The following PRDM5 variants were observed in gnomAD, a reference collection of about 807,000 sequenced individuals.
PRDM5 encodes the protein PR/SET domain 5, also known as PR domain zinc finger protein 5.
In PRDM5, 56 loss-of-function variants were observed where a neutral mutation model predicts 81.2. The ratio of observed to expected loss-of-function variants is 0.69; its 90% confidence interval spans 0.56 to 0.86. The LOEUF (loss-of-function observed/expected upper bound fraction) is 0.86. Among genes scored for constraint, PRDM5 ranks in the 40% least tolerant of loss-of-function variants. The pLI is 0.00. For missense variants in PRDM5, 697 were observed against 770.1 expected (o/e 0.91, Z 1.12); for synonymous variants, 267 against 256.4 (o/e 1.04, Z -0.39).
intron 2 of PRDM5, among the ~76,000 whole-genome samples, chr4:120,903,076 C>T (rs982140168): frequency 6.6e-6 from 1 of 152,232 alleles, no homozygotes; most frequent in African/African-American, 2.4e-5. Context: ...AGTTATGCCA[C>T]ATGCTCTCTC....
At chr4:120,699,422 C>A (rs1735033786) in intron 15 of PRDM5, among the ~76,000 whole-genome samples, 1 of 151,842 alleles carries the variant, frequency 6.6e-6, no homozygotes, top group African/African-American at 2.4e-5. Context: ...TATTTAAAAA[C>A]AGATAATATA....
At chr4:120,768,005 G>A (rs551047759) in intron 13 of PRDM5, among the ~76,000 whole-genome samples, 87 of 152,250 alleles carry the variant, frequency 5.7e-4, no homozygotes, top group African/African-American at 1.9e-3. Flanking sequence ...CTGTGAGTCC[G>A]TTAAACCTCT....
intron 3 of PRDM5, among the ~76,000 whole-genome samples, chr4:120,847,321 T>C (rs1241795556): frequency 2.0e-5 from 3 of 151,572 alleles, no homozygotes; most frequent in Non-Finnish European, 4.4e-5. Flanking sequence ...TTTTCTCTCT[T>C]TCTCTCTCTC....
chr4:120,906,775 AT>A (rs1765847545), intron 2 of PRDM5, among the ~76,000 whole-genome samples: 1 of 152,130 alleles, frequency 6.6e-6, no homozygotes, highest in Admixed American at 6.5e-5. Flanking sequence ...TTAAGGCGGG[AT>A]TTTTGTTACA....
intron 13 of PRDM5, among the ~76,000 whole-genome samples, chr4:120,775,268 A>G (rs983070967): frequency 3.3e-5 from 5 of 152,148 alleles, no homozygotes. Context: ...CATGACATAT[A>G]TTTAATAATT....
At chr4:120,706,155 G>A (rs982517380) in intron 15 of PRDM5, among the ~76,000 whole-genome samples, 9 of 150,900 alleles carry the variant, frequency 6.0e-5, no homozygotes, top group Non-Finnish European at 8.8e-5. Context: ...GCAGTGGCAC[G>A]ATCTTGGCTC....
intron 2 of PRDM5, among the ~76,000 whole-genome samples, chr4:120,881,609 A>G (rs1430531368): frequency 1.3e-5 from 2 of 152,136 alleles, no homozygotes; most frequent in Non-Finnish European, 2.9e-5. Flanking sequence ...CTAACCATAT[A>G]AAGAATTTTT....
At chr4:120,753,470 T>G (rs1744291085) in intron 14 of PRDM5, among the ~76,000 whole-genome samples, 1 of 152,068 alleles carries the variant, frequency 6.6e-6, no homozygotes, top group Admixed American at 6.5e-5. Flanking sequence ...GTGGAGAAGC[T>G]CCCTCTCTTC....
At chr4:120,840,979 C>T (rs892433100) in intron 3 of PRDM5, among the ~76,000 whole-genome samples, 2 of 152,178 alleles carry the variant, frequency 1.3e-5, no homozygotes, top group African/African-American at 4.8e-5. Flanking sequence ...TATGGGTCTA[C>T]GGCACAGGGG....
chr4:120,900,962 CT>C (rs758197123), intron 2 of PRDM5, among the ~76,000 whole-genome samples: 43 of 152,180 alleles, frequency 2.8e-4, no homozygotes, highest in Admixed American at 2.0e-3. Context: ...TTAGAGACAG[CT>C]ATTGTTACCC....
intron 3 of PRDM5, among the ~76,000 whole-genome samples, chr4:120,843,239 C>T (rs1473193177): frequency 6.6e-6 from 1 of 152,064 alleles, no homozygotes; most frequent in African/African-American, 2.4e-5. Context: ...GAGGCTGAGG[C>T]AGGAGAATAG....
intron 3 of PRDM5, among the ~76,000 whole-genome samples, chr4:120,845,185 CAGA>C (rs988342600): frequency 6.6e-6 from 1 of 152,152 alleles, no homozygotes; most frequent in African/African-American, 2.4e-5. Flanking sequence ...GCAAGTTATC[CAGA>C]AGATCTATCT....
At chr4:120,735,944 C>A (rs1741048379) in intron 14 of PRDM5, among the ~76,000 whole-genome samples, 1 of 151,978 alleles carries the variant, frequency 6.6e-6, no homozygotes, top group Non-Finnish European at 1.5e-5. Context: ...GTTGTCCATC[C>A]CCCAAATAAT....
At chr4:120,898,963 G>A (rs113926467) in intron 2 of PRDM5, among the ~76,000 whole-genome samples, 3 of 152,160 alleles carry the variant, frequency 2.0e-5, no homozygotes, top group East Asian at 1.9e-4. Flanking sequence ...AATTCCAAAC[G>A]AGCACATCAT....
At chr4:120,724,376 C>G (rs1739095228) in intron 14 of PRDM5, among the ~76,000 whole-genome samples, 1 of 152,104 alleles carries the variant, frequency 6.6e-6, no homozygotes, top group African/African-American at 2.4e-5. Context: ...TTGTCCATCA[C>G]CTTCAGCTTT....
At chr4:120,762,878 G>A (rs1016573234) in intron 13 of PRDM5, 7 of 152,060 alleles carry the variant, frequency 4.6e-5, no homozygotes, top group African/African-American at 7.2e-5. Flanking sequence ...TTTGAAAGAA[G>A]GACAACAAAA....
intron 14 of PRDM5, among the ~76,000 whole-genome samples, chr4:120,714,297 T>C (rs1737432847): frequency 6.6e-6 from 1 of 152,206 alleles, no homozygotes; most frequent in Non-Finnish European, 1.5e-5. Flanking sequence ...ATGAGATATA[T>C]AATAGACTAA....
intron 14 of PRDM5, among the ~76,000 whole-genome samples, chr4:120,737,151 T>C (rs987276611): frequency 9.2e-5 from 14 of 152,220 alleles, no homozygotes; most frequent in African/African-American, 3.1e-4. Context: ...GGATCACAGA[T>C]CTCTGGCTTC....
chr4:120,804,390 A>C (rs900568853), intron 8 of PRDM5, among the ~76,000 whole-genome samples: 1 of 149,636 alleles, frequency 6.7e-6, no homozygotes, highest in African/African-American at 2.6e-5. Flanking sequence ...AAATCAACAG[A>C]ACATACATTC....
Sources: gnomAD v4.1 joint callset for allele counts (sites outside exome capture counted in the v4.1 genomes callset) on GRCh38, gnomAD v4.1.1 for gene constraint, MANE v1.5 for transcripts, NCBI Gene and HGNC (gene_info 2026-07-23, HGNC 2026-07-21) for gene names.